NTNG1: variants seen among roughly 807,000 people sequenced by gnomAD.
The protein encoded by NTNG1 is netrin G1.
Under a neutral mutation model 54.0 loss-of-function variants are expected in NTNG1, and 16 were observed. The observed-to-expected ratio is 0.30, with a 90% CI of 0.20 to 0.45. The LOEUF (loss-of-function observed/expected upper bound fraction) is 0.45, where lower values mean the gene tolerates loss of function less well. NTNG1 is among the 20% of genes least tolerant of loss of function. The probability of loss-of-function intolerance (pLI) is 1.00; values close to 1 mark genes in which losing one functional copy is unlikely to be tolerated. For synonymous variants in NTNG1, 255 were observed against 263.1 expected (o/e 0.97, Z 0.30); for missense variants, 530 against 678.7 (o/e 0.78, Z 2.43).
At chr1:107,297,232 T>TGA (rs1666025352) in intron 2 of NTNG1, among the ~76,000 whole-genome samples, 2 of 115,034 alleles carry the variant, frequency 1.7e-5, no homozygotes, top group African/African-American at 6.4e-5. Flanking sequence ...TATATATATA[T>TGA]ATATATATAT....
intron 3 of NTNG1, among the ~76,000 whole-genome samples, chr1:107,376,725 A>G (rs1035426119): frequency 6.6e-6 from 1 of 152,026 alleles, no homozygotes; most frequent in African/African-American, 2.4e-5. Flanking sequence ...TTTTTAACCT[A>G]ATTGCTGACA....
At chr1:107,454,292 C>T (rs890134712) in intron 7 of NTNG1, among the ~76,000 whole-genome samples, 6 of 152,278 alleles carry the variant, frequency 3.9e-5, no homozygotes, top group African/African-American at 1.4e-4. Context: ...CCTCTGTGTG[C>T]AGTGAATTTA....
rs191349519 is a variant in NTNG1 at position 107,302,868 on chromosome 1, G to A, written c.247-21414G>A. Among the ~76,000 whole-genome samples the A allele has an allele frequency of 1.7e-4, 26 of 152,092 alleles. No individual in the cohort carries two copies. The South Asian group carries it at 1.9e-3, about 11-fold the overall frequency. Reference sequence around the variant, plus strand: ...TTTTGTTTTGTTTTATATTTCTTTTGCTACAATAGTAAAATATGGTTTGGC... The same window carrying A: ...TTTTGTTTTGTTTTATATTTCTTTTACTACAATAGTAAAATATGGTTTGGC... On this transcript the variant is annotated intron_variant, in intron 2 of 7. Transcript: ENST00000370068.
chr1:107,423,223 A>AT (rs1308031791), intron 5 of NTNG1, among the ~76,000 whole-genome samples: 1 of 152,030 alleles, frequency 6.6e-6, no homozygotes, highest in East Asian at 1.9e-4. Context: ...CATATATAGT[A>AT]TTTTTTCTAT....
At chr1:107,252,290 G>T (rs78499267) in intron 2 of NTNG1, among the ~76,000 whole-genome samples, 2,163 of 152,232 alleles carry the variant, frequency 0.014, 53 homozygotes, top group African/African-American at 0.049. Flanking sequence ...TTGCTGATTT[G>T]CTACTTGCTA....
chr1:107,232,187 T>TA (rs1326069172), intron 2 of NTNG1, among the ~76,000 whole-genome samples: 2 of 152,232 alleles, frequency 1.3e-5, no homozygotes, highest in Non-Finnish European at 2.9e-5. Context: ...TCCTTTCTAC[T>TA]ATAATAGTAT....
At chr1:107,205,117 A>C (rs1278878076) in intron 2 of NTNG1, among the ~76,000 whole-genome samples, 5 of 152,126 alleles carry the variant, frequency 3.3e-5, no homozygotes, top group Non-Finnish European at 2.9e-5. Context: ...CATTTAATTC[A>C]CACTCAACCT....
Position 107,324,940 on chromosome 1 carries a change from T to C in NTNG1, c.887+18T>C, listed in dbSNP as rs1279306430. On this transcript the variant is annotated intron_variant, in intron 3 of 7. Coordinates refer to ENST00000370068, the MANE Select transcript of NTNG1 (RefSeq NM_001113226.3). Reference sequence around the variant, plus strand: ...CGAGGAAGGTAAGAGAAAATCTGTCTGCCTTCAATGGGAACGGGTGTGTCC... The same window carrying C: ...CGAGGAAGGTAAGAGAAAATCTGTCCGCCTTCAATGGGAACGGGTGTGTCC... 6.3e-7 allele frequency: 1 copy of C among 1,594,164 alleles called. No individual in the cohort carries two copies. The highest frequency in any genetic ancestry group is 1.1e-5 in the South Asian group (1 of 88,282).
intron 2 of NTNG1, among the ~76,000 whole-genome samples, chr1:107,301,971 T>C (rs1666347134): frequency 6.6e-6 from 1 of 152,210 alleles, no homozygotes; most frequent in South Asian, 2.1e-4. Flanking sequence ...CTTTGCTTGC[T>C]GTTTGCCAGC....
At chr1:107,332,812 G>A (rs1668361019) in intron 3 of NTNG1, among the ~76,000 whole-genome samples, 1 of 152,014 alleles carries the variant, frequency 6.6e-6, no homozygotes, top group African/African-American at 2.4e-5. Flanking sequence ...TTAGAACTAA[G>A]TATATTAGTT....
chr1:107,222,833 G>A (rs1237838064), intron 2 of NTNG1, among the ~76,000 whole-genome samples: 1 of 145,034 alleles, frequency 6.9e-6, no homozygotes, highest in East Asian at 2.0e-4. Context: ...GAGCAGAAGT[G>A]GTGGGTGAGA....
chr1:107,314,358 C>T (rs923165676), intron 2 of NTNG1, among the ~76,000 whole-genome samples: 4 of 152,098 alleles, frequency 2.6e-5, no homozygotes, highest in African/African-American at 9.7e-5. Flanking sequence ...AAGATCGCAC[C>T]ACTGCACTCC....
chr1:107,161,214 A>G (rs1361091852), intron 2 of NTNG1, among the ~76,000 whole-genome samples: 3 of 152,216 alleles, frequency 2.0e-5, no homozygotes, highest in African/African-American at 7.2e-5. Context: ...CATAACCTTC[A>G]TATCAAAGAT....
intron 3 of NTNG1, among the ~76,000 whole-genome samples, chr1:107,352,071 G>A (rs1669650198): frequency 6.6e-6 from 1 of 152,262 alleles, no homozygotes; most frequent in Non-Finnish European, 1.5e-5. Context: ...CATCTTTGTG[G>A]CTTTGCAGGG....
chr1:107,331,314 C>A (rs1404946186), intron 3 of NTNG1, among the ~76,000 whole-genome samples: 1 of 152,044 alleles, frequency 6.6e-6, no homozygotes, highest in African/African-American at 2.4e-5. Context: ...TATGACTCTG[C>A]CCCTCTTAGA....
chr1:107,477,111 T>C (rs1037106214), intron 7 of NTNG1, among the ~76,000 whole-genome samples: 1 of 152,100 alleles, frequency 6.6e-6, no homozygotes, highest in Non-Finnish European at 1.5e-5. Flanking sequence ...AAAGTAAAAG[T>C]TTGGATAAAA....
At chr1:107,243,221 T>C (rs1468098072) in intron 2 of NTNG1, among the ~76,000 whole-genome samples, 5 of 152,182 alleles carry the variant, frequency 3.3e-5, no homozygotes, top group African/African-American at 1.2e-4. Flanking sequence ...AGTGGTTGAA[T>C]TGAATTTGAA....
At chr1:107,392,347 G>A (rs1445878812) in intron 3 of NTNG1, among the ~76,000 whole-genome samples, 2 of 151,994 alleles carry the variant, frequency 1.3e-5, no homozygotes, top group Non-Finnish European at 2.9e-5. Flanking sequence ...TGCTTTAAAA[G>A]GTTTGTAATG....
chr1:107,215,849 T>C (rs1468184119), intron 2 of NTNG1, among the ~76,000 whole-genome samples: 1 of 151,818 alleles, frequency 6.6e-6, no homozygotes, highest in Non-Finnish European at 1.5e-5. Context: ...TTTGTAGAGG[T>C]CTTTTTACCT....
Sources: allele counts gnomAD v4.1 joint callset (sites outside exome capture counted in the v4.1 genomes callset), GRCh38; gene constraint gnomAD v4.1.1; transcripts MANE v1.5; gene names NCBI Gene and HGNC (gene_info 2026-07-23, HGNC 2026-07-21).